The following IL1RAPL2 variants were observed in gnomAD, a reference collection of about 807,000 sequenced individuals.
The protein encoded by IL1RAPL2 is X-linked interleukin-1 receptor accessory protein-like 2.
A neutral mutation model predicts 44.1 loss-of-function variants in IL1RAPL2; 3 were observed. That is an observed-to-expected ratio of 0.07 (90% CI 0.03 to 0.18). The LOEUF is 0.18. IL1RAPL2 is among the 10% of genes least tolerant of loss of function. The pLI, the probability that IL1RAPL2 is intolerant of heterozygous loss-of-function variation, is 1.00. For missense variants in IL1RAPL2, 391 were observed against 496.4 expected, an observed-to-expected ratio of 0.79 and a Z score of 2.02; for synonymous variants, 181 against 178.8, an observed-to-expected ratio of 1.01 and a Z score of -0.10.
chrX:104,761,952 T>A (rs1401258028), intron 2 of IL1RAPL2, among the ~76,000 whole-genome samples: 1 of 88,644 alleles, frequency 1.1e-5, no homozygotes, highest in East Asian at 3.2e-4. Context: ...CTTCTTCTTC[T>A]TCTTCTTCTT....
chrX:104,834,677 T>G (rs941366156), intron 2 of IL1RAPL2, among the ~76,000 whole-genome samples: 1 of 112,108 alleles, frequency 8.9e-6, no homozygotes, highest in African/African-American at 3.2e-5. Context: ...GTAGAATTTC[T>G]TATTGATTAT....
intron 3 of IL1RAPL2, among the ~76,000 whole-genome samples, chrX:105,197,889 T>C (rs1186786079): frequency 9.0e-6 from 1 of 110,959 alleles, no homozygotes; most frequent in Non-Finnish European, 1.9e-5. Context: ...ACCTGATAGG[T>C]AGTTTTTTGA....
chrX:105,732,483 A>G (rs886709797), intron 7 of IL1RAPL2, among the ~76,000 whole-genome samples: 2 of 108,655 alleles, frequency 1.8e-5, no homozygotes, highest in African/African-American at 6.7e-5. Context: ...TCTTCCTCCT[A>G]CTCCTGCTAT....
At chrX:104,757,275 C>A (rs1381248184) in intron 2 of IL1RAPL2, among the ~76,000 whole-genome samples, 1 of 111,470 alleles carries the variant, frequency 9.0e-6, no homozygotes, top group Non-Finnish European at 1.9e-5. Flanking sequence ...AGTTTTGGGG[C>A]TGAATGCCTA....
At chrX:105,291,088 A>G (rs2034609282) in intron 5 of IL1RAPL2, among the ~76,000 whole-genome samples, 1 of 111,531 alleles carries the variant, frequency 9.0e-6, no homozygotes. Flanking sequence ...ATAAATTATT[A>G]CATTTTGTGC....
intron 5 of IL1RAPL2, among the ~76,000 whole-genome samples, chrX:105,333,801 A>G (rs1038252603): frequency 7.1e-5 from 8 of 112,277 alleles, no homozygotes; most frequent in Non-Finnish European, 1.3e-4. Context: ...ATGCAACTCA[A>G]AACTATAATG....
At chrX:104,607,424 A>G (rs895270698) in intron 1 of IL1RAPL2, among the ~76,000 whole-genome samples, 1 of 112,390 alleles carries the variant, frequency 8.9e-6, no homozygotes, top group African/African-American at 3.2e-5. Flanking sequence ...GCACAGCAAA[A>G]TAAATTGTCA....
chrX:104,628,394 C>G (rs1164889272), intron 1 of IL1RAPL2, among the ~76,000 whole-genome samples: 1 of 111,353 alleles, frequency 9.0e-6, no homozygotes, highest in Non-Finnish European at 1.9e-5. Context: ...TACTCCCTAC[C>G]TCAGTAAGAT....
chrX:104,901,301 C>T (rs1384344271), intron 2 of IL1RAPL2, among the ~76,000 whole-genome samples: 2 of 103,489 alleles, frequency 1.9e-5, no homozygotes, highest in Non-Finnish European at 3.9e-5. Context: ...AGCTCCGCCT[C>T]CCGGGTTCAC....
intron 1 of IL1RAPL2, among the ~76,000 whole-genome samples, chrX:104,628,812 T>C (rs1319451870): frequency 1.8e-5 from 2 of 112,449 alleles, no homozygotes; most frequent in Non-Finnish European, 3.8e-5. Context: ...TTTGTATGAA[T>C]CTATACTACA....
intron 2 of IL1RAPL2, among the ~76,000 whole-genome samples, chrX:104,874,192 T>C (rs1922839437): frequency 9.1e-6 from 1 of 110,144 alleles, no homozygotes. Flanking sequence ...CCAACTCTGC[T>C]TCTAAATCAA....
At chrX:105,527,975 C>T (rs1161686472) in intron 6 of IL1RAPL2, among the ~76,000 whole-genome samples, 3 of 112,002 alleles carry the variant, frequency 2.7e-5, no homozygotes, top group East Asian at 5.6e-4. Flanking sequence ...CTCTTGGACG[C>T]CACTGGTCTC....
intron 4 of IL1RAPL2, among the ~76,000 whole-genome samples, chrX:105,254,101 C>T (rs1391491917): frequency 9.0e-6 from 1 of 111,595 alleles, no homozygotes; most frequent in African/African-American, 3.3e-5. Flanking sequence ...AATGGTATTT[C>T]TGTTTTGCTC....
intron 2 of IL1RAPL2, among the ~76,000 whole-genome samples, chrX:104,888,320 C>CAGAG (rs575416287): frequency 2.7e-4 from 25 of 93,895 alleles, no homozygotes; most frequent in African/African-American, 5.4e-4. Context: ...AAGAGGGAGT[C>CAGAG]AGAGAGAGAG....
chrX:104,924,886 T>A (rs1244728219), intron 2 of IL1RAPL2, among the ~76,000 whole-genome samples: 1 of 110,579 alleles, frequency 9.0e-6, no homozygotes, highest in Non-Finnish European at 1.9e-5. Context: ...AATTAAATGA[T>A]ACAAGGAATC....
intron 1 of IL1RAPL2, among the ~76,000 whole-genome samples, chrX:104,603,140 C>A (rs1463290717): frequency 2.7e-5 from 3 of 111,512 alleles, no homozygotes; most frequent in Non-Finnish European, 5.6e-5. Context: ...GATCAGGCAG[C>A]AATCTTTGCT....
intron 2 of IL1RAPL2, among the ~76,000 whole-genome samples, chrX:104,951,495 C>T (rs1388231454): frequency 1.8e-5 from 2 of 112,081 alleles, no homozygotes; most frequent in Admixed American, 9.4e-5. Flanking sequence ...GCTGACGTTA[C>T]CAAAAAAGTG....
intron 5 of IL1RAPL2, among the ~76,000 whole-genome samples, chrX:105,350,075 C>T (rs892132350): frequency 1.8e-5 from 2 of 112,013 alleles, no homozygotes; most frequent in African/African-American, 3.2e-5. Context: ...TCAATGCCTT[C>T]GTTTATGCCT....
At chrX:105,125,689 A>C (rs1258057510) in intron 2 of IL1RAPL2, among the ~76,000 whole-genome samples, 1 of 110,900 alleles carries the variant, frequency 9.0e-6, no homozygotes, top group Non-Finnish European at 1.9e-5. Flanking sequence ...GCATGAGTCC[A>C]CATATACATG....
Sources: gnomAD v4.1 joint callset for allele counts (sites outside exome capture counted in the v4.1 genomes callset) on GRCh38, gnomAD v4.1.1 for gene constraint, MANE v1.5 for transcripts, NCBI Gene and HGNC (gene_info 2026-07-23, HGNC 2026-07-21) for gene names.